IDUA: variants seen among roughly 807,000 people sequenced by gnomAD.
The protein encoded by IDUA is iduronidase alpha-L-.
A neutral mutation model predicts 68.9 loss-of-function variants in IDUA; 65 were observed. That is an observed-to-expected ratio of 0.94 (90% CI 0.77 to 1.16). IDUA has a LOEUF of 1.16. Ranked by LOEUF, IDUA falls within the 50% of genes most tolerant of loss-of-function variation. IDUA has a pLI of 0.00. For synonymous variants in IDUA, 529 were observed against 433.6 expected (o/e 1.22, Z -2.73); for missense variants, 1,046 against 938.0 (o/e 1.12, Z -1.50).
intron 2 of IDUA, chr4:991,528 C>A: frequency 6.2e-7 from 1 of 1,606,654 alleles, no homozygotes. Context: ...CTGACGCAGC[C>A]AGCGCGTGGC....
chr4:996,469 G>A (rs1055963787), intron 2 of IDUA, among the ~76,000 whole-genome samples: 3 of 152,240 alleles, frequency 2.0e-5, no homozygotes, highest in Non-Finnish European at 4.4e-5. Context: ...GAAAAACCTG[G>A]AGTGGGAGGT....
chr4:1,003,311 C>T, intron 10 of IDUA, 34 bp from the exon 11 acceptor site: 1 of 1,423,978 alleles, frequency 7.0e-7, no homozygotes, highest in Non-Finnish European at 9.1e-7. Context: ...CCCAGCTCCC[C>T]TGGAGAACCC....
At position 987,824 on chromosome 4, in the gene IDUA, C is replaced by T. The variant is rs769869439; in HGVS notation, c.174C>T (p.His58=). 6.2e-7 allele frequency: 1 copy of T among 1,612,502 alleles called. No individual in the cohort carries two copies. Among genetic ancestry groups the T allele is most frequent in the Non-Finnish European group, 8.5e-7 (1 of 1,179,880 alleles). The part of the protein sequence containing the change: ...RSTGFCPPLP[H]SQADQYVLSW... ...TTGTCCCCAGCCCCCCGCTGCCACA[C>T]AGCCAGGCTGACCAGTACGTCCTCA... is the stretch of plus-strand genomic sequence containing the variant. The change falls in exon 2 of 14, where the codon CAC becomes CAT. Residue 58 remains histidine, a synonymous_variant. Transcript: ENST00000514224.
In IDUA at chr4:995,889, G is replaced by T. The variant is rs1381689900; in HGVS notation, c.300-4723G>T. On this transcript the variant is annotated intron_variant, in intron 2 of 13. Coordinates refer to ENST00000514224, the MANE Select transcript of IDUA (RefSeq NM_000203.5). ...TGTAGTTGGGATGGCCAGAGAGTAGGAGACATCCTAAGTGTGAGATGTGGA... is the reference window on the plus strand; with the variant it reads ...TGTAGTTGGGATGGCCAGAGAGTAGTAGACATCCTAAGTGTGAGATGTGGA... Among the ~76,000 whole-genome samples, 2 of 152,114 alleles carry T rather than the reference G, an allele frequency of 1.3e-5. 1 individual carries two copies. Among genetic ancestry groups the T allele is most frequent in the South Asian group, 4.1e-4 (2 of 4,834 alleles).
chr4:998,662 C>T (rs1024405823), intron 2 of IDUA, among the ~76,000 whole-genome samples: 1 of 152,174 alleles, frequency 6.6e-6, no homozygotes, highest in African/African-American at 2.4e-5. Context: ...AATCTCCTCA[C>T]TCAGTTCACC....
In IDUA at chr4:996,322, G is replaced by C. The variant is rs973302107; in HGVS notation, c.300-4290G>C. Among the ~76,000 whole-genome samples, 15 of 152,348 alleles carry C rather than the reference G, an allele frequency of 9.8e-5. 3 individuals are homozygous for C. The highest frequency in any genetic ancestry group is 1.9e-4 in the East Asian group (1 of 5,182). ...AGCAGGGTTGTTGGAGAACTGGGGA[G>C]ACCCAGGGGGCTGGGGTTGTTCCCT... On this transcript the variant is annotated intron_variant, in intron 2 of 13. Transcript: ENST00000514224.
chr4:990,921 C>T (rs1034007526), intron 2 of IDUA: 25 of 561,192 alleles, frequency 4.5e-5, no homozygotes, highest in African/African-American at 4.0e-4. Context: ...TCCCCGTGCC[C>T]CTCCCCTCCT....
intron 2 of IDUA, chr4:989,208 GC>G (rs756900523): frequency 1.2e-6 from 2 of 1,609,464 alleles, no homozygotes; most frequent in East Asian, 2.2e-5. Flanking sequence ...CCGTCTCTGA[GC>G]CCCCCTCCTT....
At chr4:998,613 G>A (rs894644490) in intron 2 of IDUA, among the ~76,000 whole-genome samples, 3 of 151,938 alleles carry the variant, frequency 2.0e-5, no homozygotes, top group Non-Finnish European at 2.9e-5. Context: ...TTTCCCTCAG[G>A]CCAGAAGCAT....
intron 2 of IDUA, among the ~76,000 whole-genome samples, chr4:997,630 C>T (rs1349065451): frequency 5.9e-5 from 9 of 152,268 alleles, no homozygotes; most frequent in African/African-American, 2.2e-4. Context: ...CTTCCGTTCC[C>T]GGGCTGGGCG....
chr4:991,425 C>T, intron 2 of IDUA: 1 of 1,612,824 alleles, frequency 6.2e-7, no homozygotes. Context: ...GCAGCCCGGC[C>T]AGCAATGAGT....
At position 991,873 on chromosome 4, in the gene IDUA, G is replaced by A. The variant is rs774883338; in HGVS notation, c.299+3924G>A. On this transcript the variant is annotated intron_variant, in intron 2 of 13. Transcript: ENST00000514224. Reference sequence around the variant, plus strand: ...TGGTGCTGGGCCTTCTCCTGGCAGCGCGGGCCCCAGCCCCCTGCCCGGTAT... The same window carrying A: ...TGGTGCTGGGCCTTCTCCTGGCAGCACGGGCCCCAGCCCCCTGCCCGGTAT... 26 of 1,457,450 alleles carry A rather than the reference G, an allele frequency of 1.8e-5. No homozygotes were observed. Among genetic ancestry groups the A allele is most frequent in the East Asian group, 1.5e-4 (6 of 40,508 alleles). 90.3% of individuals were successfully genotyped at this position (1,457,450 alleles called of 1,614,324 possible). A position where few individuals can be genotyped will look rare whatever the true frequency, so the allele number is the denominator to read the frequency against.
At position 1,003,059 on chromosome 4, in the gene IDUA, C is replaced by G. The variant is rs1715206674; in HGVS notation, c.1426C>G (p.Leu476Val). 2 of 1,518,356 alleles carry G rather than the reference C, an allele frequency of 1.3e-6. No individual in the cohort carries two copies. The highest frequency in any genetic ancestry group is 1.4e-5 in the African/African-American group (1 of 69,964). The allele number at this position is 1,518,356 out of a possible 1,614,324, so 94.1% of individuals were successfully genotyped here. Residue 476 changes from leucine to valine, a missense_variant, in exon 10 of 14, where the codon CTG (leucine) becomes GTG (valine). Physicochemically the swap from Leu to Val is conservative, Grantham distance 32. Coordinates refer to ENST00000514224, the MANE Select transcript of IDUA (RefSeq NM_000203.5). ...GPGLVYVTRY[L>V]DNGLCSPDGE... is the part of the protein sequence containing the mutation. ...AGGCCTGGTCTACGTCACGCGCTAC[C>G]TGGACAACGGGCTCTGCAGCCCCGA...
In IDUA at chr4:990,176, C is replaced by T. The variant is rs773823235; in HGVS notation, c.299+2227C>T. On this transcript the variant is annotated intron_variant, in intron 2 of 13. Transcript: ENST00000514224. ...TCGCACACGTTGGCCTGCCCGGCGC[C>T]GCGCAGCAGGCTCAGCCATGTGAGG... is the stretch of plus-strand genomic sequence containing the variant. The T allele has an allele frequency of 1.8e-5, 28 of 1,560,278 alleles. No homozygotes were observed. The highest frequency in any genetic ancestry group is 8.1e-5 in the African/African-American group (6 of 73,908).
At chr4:991,827 C>T (rs1162901022) in intron 2 of IDUA, 68 of 1,532,894 alleles carry the variant, frequency 4.4e-5, no homozygotes, top group Non-Finnish European at 5.7e-5. Flanking sequence ...GCGGACCCCT[C>T]GCCCACCCAG....
intron 2 of IDUA, 95 bp downstream of exon 2, chr4:988,044 C>A: frequency 6.8e-7 from 1 of 1,481,144 alleles, no homozygotes; most frequent in Non-Finnish European, 9.0e-7. Flanking sequence ...CCCCTTGTTC[C>A]CCCACCTCCC....
intron 12 of IDUA, 64 bp downstream of exon 12, chr4:1,003,689 T>TGG: frequency 6.4e-7 from 1 of 1,571,188 alleles, no homozygotes; most frequent in Non-Finnish European, 8.7e-7. Flanking sequence ...TCCCGACCCC[T>TGG]TCACCCATGC....
intron 1 of IDUA, chr4:987,540 A>T: frequency 9.0e-7 from 1 of 1,108,440 alleles, no homozygotes; most frequent in Non-Finnish European, 1.2e-6. Flanking sequence ...TGCCTGTCCC[A>T]TTCCTTCCAC....
In IDUA at chr4:1,004,479, C is replaced by T. The variant is rs1715324935; in HGVS notation, c.*86C>T. 7.8e-7 allele frequency: 1 copy of T among 1,282,730 alleles called. No individual in the cohort carries two copies. Among genetic ancestry groups the T allele is most frequent in the African/African-American group, 1.5e-5 (1 of 66,700 alleles). The allele number at this position is 1,282,730 out of a possible 1,614,324, so 79.5% of individuals were successfully genotyped here. On this transcript the variant is annotated 3_prime_UTR_variant, in exon 14 of 14. Coordinates refer to ENST00000514224, the MANE Select transcript of IDUA (RefSeq NM_000203.5). The surrounding 1 kb of genome is among the most constrained non-coding windows in gnomAD (Gnocchi z 5.0). Reference sequence around the variant, plus strand: ...TGTGCCCATGCTGCCCTCCCATCACCCCCTTTGCAATATATTTTTATATTT... The same window carrying T: ...TGTGCCCATGCTGCCCTCCCATCACTCCCTTTGCAATATATTTTTATATTT...
Sources: gnomAD v4.1 joint callset for allele counts (sites outside exome capture counted in the v4.1 genomes callset) on GRCh38, gnomAD v4.1.1 for gene constraint, Gnocchi (gnomAD v3.1) non-coding constraint, MANE v1.5 for transcripts, NCBI Gene and HGNC (gene_info 2026-07-23, HGNC 2026-07-21) for gene names.